The following TMEM132C variants were observed in gnomAD, a reference collection of about 807,000 sequenced individuals.
TMEM132C encodes the protein transmembrane protein 132C.
TMEM132C carries 29 observed loss-of-function variants against 61.4 expected under a neutral mutation model. That is an observed-to-expected ratio of 0.47 (90% CI 0.35 to 0.64). The LOEUF is 0.64. Ranked by LOEUF, TMEM132C falls within the 30% of genes least tolerant of loss-of-function variation. The pLI is 0.00. For missense variants in TMEM132C, 1,408 were observed against 1,476.9 expected, an observed-to-expected ratio of 0.95 and a Z score of 0.76; for synonymous variants, 656 against 633.1, an observed-to-expected ratio of 1.04 and a Z score of -0.54.
intron 1 of TMEM132C, among the ~76,000 whole-genome samples, chr12:128,303,409 T>C (rs893153473): frequency 6.6e-6 from 1 of 152,192 alleles, no homozygotes; most frequent in African/African-American, 2.4e-5. Context: ...CCATCGTGAC[T>C]GAGCCTGATT....
intron 3 of TMEM132C, among the ~76,000 whole-genome samples, chr12:128,550,486 G>A (rs1160147072): frequency 6.6e-6 from 1 of 151,942 alleles, no homozygotes; most frequent in Non-Finnish European, 1.5e-5. Context: ...TGCATTTTTT[G>A]TAGAGATAGG....
chr12:128,334,779 G>A (rs1045423756), intron 1 of TMEM132C, among the ~76,000 whole-genome samples: 1 of 152,008 alleles, frequency 6.6e-6, no homozygotes, highest in Admixed American at 6.5e-5. Flanking sequence ...TGTAGTTTTA[G>A]TAGAGACGGG....
At chr12:128,299,088 C>A in intron 1 of TMEM132C, among the ~76,000 whole-genome samples, 1 of 152,144 alleles carries the variant, frequency 6.6e-6, no homozygotes, top group East Asian at 1.9e-4. Context: ...GTATGAAAAT[C>A]CATGTATCCT....
chr12:128,517,787 T>C (rs1242667649), intron 2 of TMEM132C, among the ~76,000 whole-genome samples: 1 of 152,178 alleles, frequency 6.6e-6, no homozygotes, highest in African/African-American at 2.4e-5. Context: ...GGTAGTTTTA[T>C]GGAAATGAGA....
At chr12:128,608,514 C>G (rs1876503880) in intron 3 of TMEM132C, among the ~76,000 whole-genome samples, 1 of 152,130 alleles carries the variant, frequency 6.6e-6, no homozygotes, top group East Asian at 1.9e-4. Flanking sequence ...GAATTCAAAC[C>G]CAAATGTGTT....
intron 1 of TMEM132C, among the ~76,000 whole-genome samples, chr12:128,362,004 G>T (rs1055096248): frequency 5.9e-5 from 9 of 152,076 alleles, no homozygotes; most frequent in African/African-American, 2.2e-4. Flanking sequence ...CAAGCAGGTT[G>T]GGGGACTCGG....
At chr12:128,297,401 A>G (rs924519130) in intron 1 of TMEM132C, among the ~76,000 whole-genome samples, 4 of 152,124 alleles carry the variant, frequency 2.6e-5, no homozygotes, top group Non-Finnish European at 5.9e-5. Context: ...TCATAAATGG[A>G]TTATTGGATT....
intron 2 of TMEM132C, among the ~76,000 whole-genome samples, chr12:128,476,375 A>G (rs1456898095): frequency 6.6e-6 from 1 of 152,186 alleles, no homozygotes; most frequent in East Asian, 1.9e-4. Flanking sequence ...AACCTGTGCA[A>G]TGCAGAATAA....
At chr12:128,483,530 C>T (rs1361887523) in intron 2 of TMEM132C, among the ~76,000 whole-genome samples, 1 of 152,038 alleles carries the variant, frequency 6.6e-6, no homozygotes, top group Non-Finnish European at 1.5e-5. Flanking sequence ...GTGGTTGTTT[C>T]CTCCCTCTCT....
At chr12:128,427,481 A>T (rs532489983) in intron 2 of TMEM132C, among the ~76,000 whole-genome samples, 2 of 151,558 alleles carry the variant, frequency 1.3e-5, no homozygotes, top group African/African-American at 4.9e-5. Flanking sequence ...CCAGGAACAC[A>T]AGAGGAGGAT....
chr12:128,441,616 T>G (rs961623052), intron 2 of TMEM132C, among the ~76,000 whole-genome samples: 2 of 152,194 alleles, frequency 1.3e-5, no homozygotes, highest in African/African-American at 4.8e-5. Context: ...GGTAGCTTAT[T>G]CTCAATGTCT....
At chr12:128,459,076 A>G (rs1565942384) in intron 2 of TMEM132C, among the ~76,000 whole-genome samples, 1 of 152,148 alleles carries the variant, frequency 6.6e-6, no homozygotes, top group Non-Finnish European at 1.5e-5. Flanking sequence ...TTACAACTGG[A>G]TTTAGAAGGT....
intron 2 of TMEM132C, among the ~76,000 whole-genome samples, chr12:128,512,795 G>A (rs917840035): frequency 6.6e-6 from 1 of 152,176 alleles, no homozygotes; most frequent in Non-Finnish European, 1.5e-5. Context: ...ACTGCAGCGA[G>A]AAGGTGTGTT....
At chr12:128,314,218 A>T (rs1872073654) in intron 1 of TMEM132C, among the ~76,000 whole-genome samples, 1 of 152,318 alleles carries the variant, frequency 6.6e-6, no homozygotes, top group Middle Eastern at 3.4e-3. Context: ...TGGAGTGAGA[A>T]AAGAAGGAAG....
chr12:128,492,209 C>T (rs1871763011), intron 2 of TMEM132C, among the ~76,000 whole-genome samples: 1 of 152,152 alleles, frequency 6.6e-6, no homozygotes, highest in Admixed American at 6.5e-5. Flanking sequence ...CATAGTATTC[C>T]ATGGTGTAAA....
In TMEM132C at chr12:128,706,236, G is replaced by T. The variant is rs1031854149; in HGVS notation, c.3268G>T (p.Ala1090Ser). ...CATCAAATGGGTGTGTCAAGACGTGGCTGTGGGTGCCCCCAAGGAACTTAG... is the reference window on the plus strand; with the variant it reads ...CATCAAATGGGTGTGTCAAGACGTGTCTGTGGGTGCCCCCAAGGAACTTAG... ...EDIKWVCQDV[A>S]VGAPKELRNY... The change falls in exon 9 of 9, where the codon GCT becomes TCT. Residue 1090 changes from alanine (A) to serine (S), a missense_variant. Coordinates refer to ENST00000435159, the MANE Select transcript of TMEM132C (RefSeq NM_001136103.3). 3.9e-6 allele frequency: 6 copies of T among 1,551,386 alleles called. No individual in the cohort carries two copies. The Admixed American group carries it at 1.2e-4, about 30-fold the overall frequency.
At position 128,449,242 on chromosome 12, in the gene TMEM132C, G is replaced by A. The variant is rs565016330; in HGVS notation, c.974+33622G>A. On this transcript the variant is annotated intron_variant, in intron 2 of 8. Transcript: ENST00000435159. ...AACTGAGCCCATTTTTCTGCTCCAAGAGTTTGGAGCCAGAAGGCTGCTCTG... is the reference window on the plus strand; with the variant it reads ...AACTGAGCCCATTTTTCTGCTCCAAAAGTTTGGAGCCAGAAGGCTGCTCTG... Among the ~76,000 whole-genome samples, 13 of 150,820 alleles carry A rather than the reference G, an allele frequency of 8.6e-5. No individual in the cohort carries two copies. In the East Asian group the frequency reaches 2.3e-3, roughly 27 times the overall value.
chr12:128,552,591 G>A (rs1044803174), intron 3 of TMEM132C, among the ~76,000 whole-genome samples: 5 of 152,274 alleles, frequency 3.3e-5, no homozygotes, highest in East Asian at 1.9e-4. Context: ...AAATAAAGGT[G>A]AGCATAAACA....
In TMEM132C at chr12:128,616,167, C is replaced by G. The variant is rs571823477; in HGVS notation, c.1137C>G (p.Phe379Leu). ...TCTCTTCCAGGAGCAGCAGTTTATT[C>G]AATGAGGTTGTGCAGATGAACTTTG... The part of the protein sequence containing the change: ...PSPRNRSSSL[F>L]NEVVQMNFEI... Residue 379 changes from phenylalanine to leucine, a missense_variant, in exon 4 of 9, where the codon TTC becomes TTG. Coordinates refer to ENST00000435159, the MANE Select transcript of TMEM132C (RefSeq NM_001136103.3). The G allele has an allele frequency of 8.4e-6, 13 of 1,551,516 alleles. 1 individual carries two copies. The Admixed American group carries it at 1.6e-4, about 19-fold the overall frequency.
Sources: allele counts gnomAD v4.1 joint callset (sites outside exome capture counted in the v4.1 genomes callset), GRCh38; gene constraint gnomAD v4.1.1; transcripts MANE v1.5; gene names NCBI Gene and HGNC (gene_info 2026-07-23, HGNC 2026-07-21).